The following VPS13C variants were observed in gnomAD, a reference collection of about 807,000 sequenced individuals.
VPS13C encodes the protein vacuolar protein sorting 13 homolog C.
VPS13C carries 358 observed loss-of-function variants against 456.8 expected under a neutral mutation model. That is an observed-to-expected ratio of 0.78 (90% CI 0.72 to 0.86). The LOEUF is 0.86. Among genes scored for constraint, VPS13C ranks in the 40% least tolerant of loss-of-function variants. The pLI is 0.00. For synonymous variants in VPS13C, 1,578 were observed against 1,486.7 expected (o/e 1.06, Z -1.41); for missense variants, 4,818 against 4,385.4 (o/e 1.10, Z -2.79).
intron 36 of VPS13C, among the ~76,000 whole-genome samples, 157 bp from the exon 37 acceptor site, chr15:61,958,873 C>T (rs2045100167): frequency 6.6e-6 from 1 of 151,990 alleles, no homozygotes; most frequent in African/African-American, 2.4e-5. Flanking sequence ...TATTGCACTA[C>T]TTATTTCATG....
In VPS13C at chr15:61,985,055, T is replaced by A. The variant is rs576424815; in HGVS notation, c.1579-56A>T. 2.4e-6 allele frequency: 3 copies of A among 1,245,724 alleles called. No homozygotes were observed. The African/African-American group carries it at 4.7e-5, about 20-fold the overall frequency. The allele number at this position is 1,245,724 out of a possible 1,614,324, so 77.2% of individuals were successfully genotyped here. A position where few individuals can be genotyped will look rare whatever the true frequency, so the allele number is the denominator to read the frequency against. On this transcript the variant is annotated intron_variant, in intron 18 of 84. Coordinates refer to ENST00000644861, the MANE Select transcript of VPS13C (RefSeq NM_020821.3). ...AAAGTTTAAATAATTATTACTTTCT[T>A]TAATAATTTCTTATTTAAATTTGCT...
At chr15:61,900,073 T>C (rs1005179136) in intron 66 of VPS13C, among the ~76,000 whole-genome samples, 6 of 152,204 alleles carry the variant, frequency 3.9e-5, no homozygotes, top group African/African-American at 1.4e-4. Flanking sequence ...CCCTTCATGC[T>C]AAAAACTCTC....
chr15:61,912,179 C>G (rs2043320828), intron 62 of VPS13C, among the ~76,000 whole-genome samples, 175 bp from the exon 63 acceptor site: 1 of 152,122 alleles, frequency 6.6e-6, no homozygotes, highest in Non-Finnish European at 1.5e-5. Context: ...ATTATAGTTC[C>G]TTAGTTTGGC....
At position 61,878,639 on chromosome 15, in the gene VPS13C, A is replaced by G. The variant is rs1016724089; in HGVS notation, c.10110T>C (p.Ala3370=). 51 of 1,611,364 alleles carry G rather than the reference A, an allele frequency of 3.2e-5. No individual in the cohort carries two copies. Among genetic ancestry groups the G allele is most frequent in the Non-Finnish European group, 4.0e-5 (47 of 1,178,782 alleles). ...TAAGGTCATCCACATCAGTCAGAGTAGCACCTATGCTTTTCAACAGCAAGT... is the reference window on the plus strand; with the variant it reads ...TAAGGTCATCCACATCAGTCAGAGTGGCACCTATGCTTTTCAACAGCAAGT... ...SVNLLLKSIG[A]TLTDVDDLIF... The change falls in exon 74 of 85, where the codon GCT becomes GCC. Residue 3370 remains alanine (A), a synonymous_variant. Coordinates refer to ENST00000644861, the MANE Select transcript of VPS13C (RefSeq NM_020821.3).
At chr15:62,005,990 C>G (rs919204848) in intron 15 of VPS13C, among the ~76,000 whole-genome samples, 7 of 152,016 alleles carry the variant, frequency 4.6e-5, no homozygotes, top group Non-Finnish European at 4.4e-5. Context: ...AGGTGTGAGC[C>G]ACCACGCCCG....
At chr15:62,030,980 A>G (rs2047796219) in intron 5 of VPS13C, among the ~76,000 whole-genome samples, 1 of 152,058 alleles carries the variant, frequency 6.6e-6, no homozygotes, top group South Asian at 2.1e-4. Flanking sequence ...AGAATCTAGC[A>G]TTTGCGAATC....
intron 78 of VPS13C, among the ~76,000 whole-genome samples, chr15:61,872,554 A>G (rs1435636241): frequency 6.6e-6 from 1 of 152,142 alleles, no homozygotes; most frequent in Non-Finnish European, 1.5e-5. Flanking sequence ...CTATCAAAAA[A>G]CACAGCAGTT....
chr15:61,924,361 C>T (rs2043771183), intron 53 of VPS13C, among the ~76,000 whole-genome samples: 1 of 152,342 alleles, frequency 6.6e-6, no homozygotes, highest in Non-Finnish European at 1.5e-5. Flanking sequence ...CTCCCAACTG[C>T]ATCTTGGCCA....
At chr15:62,020,223 A>C (rs1449273093) in intron 9 of VPS13C, among the ~76,000 whole-genome samples, 1 of 151,912 alleles carries the variant, frequency 6.6e-6, no homozygotes, top group Non-Finnish European at 1.5e-5. Flanking sequence ...CACATGTTTA[A>C]GATACAGCTT....
intron 5 of VPS13C, among the ~76,000 whole-genome samples, chr15:62,029,777 T>C (rs984208552): frequency 2.6e-4 from 39 of 152,226 alleles, no homozygotes; most frequent in African/African-American, 9.1e-4. Flanking sequence ...AAAACATTGC[T>C]GCCTACAAAA....
intron 1 of VPS13C, among the ~76,000 whole-genome samples, chr15:62,056,829 TTC>T (rs981518476): frequency 6.6e-6 from 1 of 152,156 alleles, no homozygotes; most frequent in Non-Finnish European, 1.5e-5. Flanking sequence ...TAAGCTATCT[TTC>T]TCTCTGTCTC....
intron 66 of VPS13C, among the ~76,000 whole-genome samples, chr15:61,898,192 A>C (rs1293486358): frequency 6.6e-6 from 1 of 152,160 alleles, no homozygotes; most frequent in African/African-American, 2.4e-5. Flanking sequence ...AAACTGCATC[A>C]ACTAACGAGC....
intron 82 of VPS13C, among the ~76,000 whole-genome samples, chr15:61,861,929 G>A (rs1377741681): frequency 6.6e-6 from 1 of 151,966 alleles, no homozygotes; most frequent in African/African-American, 2.4e-5. Flanking sequence ...ACAAAACCCC[G>A]TCTCTAATAA....
Position 61,959,482 on chromosome 15 carries a change from A to G in VPS13C, c.4022T>C (p.Val1341Ala). The change falls in exon 36 of 85, where the codon GTT becomes GCT. Residue 1341 changes from valine (V) to alanine (A), a missense_variant. By Grantham distance (64) the Val-to-Ala change is moderately conservative. Around this residue, in one of 3 missense-constraint regions of VPS13C, gnomAD observed 4,552 missense variants for 4,130.6 expected, o/e 1.10. Coordinates refer to ENST00000644861, the MANE Select transcript of VPS13C (RefSeq NM_020821.3). ...LAASWYHKVP[V>A]VEIKGHLDSM... ...ATCAAGATGTCCTTTAATTTCCACA[A>G]CAGGCACCTTGTGGTACCAAGATGC... is the stretch of plus-strand genomic sequence containing the variant. 2 of 1,612,882 alleles carry G rather than the reference A, an allele frequency of 1.2e-6. No homozygotes were observed. The highest frequency in any genetic ancestry group is 1.7e-6 in the Non-Finnish European group (2 of 1,179,180).
chr15:61,890,062 A>G, intron 67 of VPS13C, 103 bp downstream of exon 67: 1 of 1,037,238 alleles, frequency 9.6e-7, no homozygotes, highest in South Asian at 1.6e-5. Context: ...AATATACAGC[A>G]TACCAAAGTC....
At chr15:62,001,931 G>T (rs1157791544) in intron 15 of VPS13C, among the ~76,000 whole-genome samples, 4 of 152,144 alleles carry the variant, frequency 2.6e-5, no homozygotes, top group Admixed American at 2.0e-4. Context: ...TTGGACATTT[G>T]GGTTGGTTCC....
At chr15:61,941,684 C>T (rs2044430106) in intron 46 of VPS13C, 79 bp downstream of exon 46, 8 of 1,427,736 alleles carry the variant, frequency 5.6e-6, no homozygotes, top group South Asian at 2.9e-5. Context: ...CAAATTACTA[C>T]AACATTTTAC....
chr15:62,005,847 T>C (rs2046817552), intron 15 of VPS13C, among the ~76,000 whole-genome samples: 1 of 151,686 alleles, frequency 6.6e-6, no homozygotes, highest in South Asian at 2.1e-4. Flanking sequence ...GGATTACGGG[T>C]GCCCACCACC....
intron 10 of VPS13C, 27 bp downstream of exon 10, chr15:62,013,906 A>G: frequency 6.4e-7 from 1 of 1,557,408 alleles, no homozygotes; most frequent in Non-Finnish European, 8.8e-7. Context: ...TAGGAAACTA[A>G]CAAAAATTTT....
Sources: allele counts gnomAD v4.1 joint callset (sites outside exome capture counted in the v4.1 genomes callset), GRCh38; gene constraint gnomAD v4.1.1; regional missense constraint gnomAD v4.1.1; transcripts MANE v1.5; gene names NCBI Gene and HGNC (gene_info 2026-07-23, HGNC 2026-07-21).